The following ITSN1 variants were observed in gnomAD, a reference collection of about 807,000 sequenced individuals.
ITSN1 encodes intersectin 1.
ITSN1 carries 58 observed loss-of-function variants against 239.8 expected under a neutral mutation model. That is an observed-to-expected ratio of 0.24 (90% confidence interval 0.20 to 0.30). The LOEUF (loss-of-function observed/expected upper bound fraction) is 0.30. ITSN1 is among the 10% of genes least tolerant of loss of function. The pLI, the probability that ITSN1 is intolerant of heterozygous loss-of-function variation, is 1.00. For synonymous variants in ITSN1, 780 were observed against 770.8 expected (o/e 1.01, Z -0.20); for missense variants, 1,558 against 2,103.3 (o/e 0.74, Z 5.07).
At chr21:33,880,383 C>T (rs1358108611) in intron 34 of ITSN1, among the ~76,000 whole-genome samples, 1 of 152,116 alleles carries the variant, frequency 6.6e-6, no homozygotes, top group Non-Finnish European at 1.5e-5. Flanking sequence ...GCCCACGTGG[C>T]TTGAACCCTG....
chr21:33,816,096 G>A (rs2073249589), intron 22 of ITSN1, among the ~76,000 whole-genome samples: 1 of 152,082 alleles, frequency 6.6e-6, no homozygotes, highest in African/African-American at 2.4e-5. Context: ...GGGAGGCTGA[G>A]GCAGGAGTAT....
At chr21:33,701,011 ACT>A (rs938761034) in intron 1 of ITSN1, among the ~76,000 whole-genome samples, 2 of 129,460 alleles carry the variant, frequency 1.5e-5, no homozygotes, top group Admixed American at 7.9e-5. Context: ...ATGTGGTCTC[ACT>A]CTGTTTCCCA....
chr21:33,877,059 C>CTTTTTTTTTTTTTTTTTTTTTTT lies in ITSN1; in HGVS notation c.4341+1550_4341+1551insTTTTTTTTTTTTTTTTTTTTTTT, dbSNP rs10529259. On this transcript the variant is annotated intron_variant, in intron 34 of 39. Coordinates refer to ENST00000381318, the MANE Select transcript of ITSN1 (RefSeq NM_003024.3). The stretch of plus-strand genomic sequence containing the variant: ...TCCTTAGAACTTTACCTGTGGGCAC[C>CTTTTTTTTTTTTTTTTTTTTTTT]TTTTTTTTTTTTGAAATGGAGTCTC... 1.2e-3 allele frequency among the ~76,000 whole-genome samples: 123 copies of CTTTTTTTTTTTTTTTTTTTTTTT among 106,382 alleles called. 37 individuals carry two copies. The highest frequency in any genetic ancestry group is 3.1e-3 in the East Asian group (10 of 3,186). 69.8% of individuals were successfully genotyped at this position (106,382 alleles called of 152,430 possible).
At chr21:33,818,142 G>C in intron 22 of ITSN1, 125 bp from the exon 23 acceptor site, 5 of 719,070 alleles carry the variant, frequency 7.0e-6, no homozygotes, top group Non-Finnish European at 1.2e-5. Flanking sequence ...TGCTGCCTCA[G>C]GGCCCTTTGT....
At chr21:33,885,154 C>T (rs1168384743) in intron 37 of ITSN1, 31 bp downstream of exon 37, 1 of 1,572,536 alleles carries the variant, frequency 6.4e-7, no homozygotes, top group Non-Finnish European at 8.8e-7. Context: ...GTGTCCTGCA[C>T]AGCTGGGCAG....
intron 1 of ITSN1, among the ~76,000 whole-genome samples, chr21:33,679,925 C>T (rs550269827): frequency 1.3e-5 from 2 of 152,206 alleles, no homozygotes; most frequent in South Asian, 4.1e-4. Context: ...GTCTTGATCT[C>T]CTGACCTCGT....
intron 34 of ITSN1, 22 bp downstream of exon 34, chr21:33,875,543 C>A: frequency 6.2e-7 from 1 of 1,606,580 alleles, no homozygotes; most frequent in East Asian, 2.2e-5. Context: ...TGGGGCTGGG[C>A]CCTGGTCTCC....
chr21:33,690,301 C>G (rs2091449395), intron 1 of ITSN1, among the ~76,000 whole-genome samples: 1 of 146,600 alleles, frequency 6.8e-6, no homozygotes, highest in Non-Finnish European at 1.5e-5. Context: ...AATAAATGAA[C>G]AAAAATAAGC....
chr21:33,691,946 G>A (rs1478812473), intron 1 of ITSN1, among the ~76,000 whole-genome samples: 1 of 152,230 alleles, frequency 6.6e-6, no homozygotes, highest in African/African-American at 2.4e-5. Flanking sequence ...TTGGTCCATG[G>A]CACTGACCTA....
At chr21:33,655,966 G>A (rs1443897464) in intron 1 of ITSN1, among the ~76,000 whole-genome samples, 1 of 152,090 alleles carries the variant, frequency 6.6e-6, no homozygotes, top group Admixed American at 6.6e-5. Flanking sequence ...AGGATTGTAG[G>A]AGAGAGAAGG....
intron 1 of ITSN1, among the ~76,000 whole-genome samples, chr21:33,717,092 A>T (rs998420744): frequency 1.3e-5 from 2 of 152,186 alleles, no homozygotes; most frequent in African/African-American, 2.4e-5. Flanking sequence ...TCTGTGGACA[A>T]ATTGGAAGAT....
rs544843066 is a variant in ITSN1 at position 33,794,614 on chromosome 21, G to A, written c.1952+146G>A. 595 of 1,122,620 alleles carry A rather than the reference G, an allele frequency of 5.3e-4. No homozygotes were observed. In the African/African-American group the frequency reaches 8.4e-3, roughly 16 times the overall value. The allele number at this position is 1,122,620 out of a possible 1,614,324, so 69.5% of individuals were successfully genotyped here. ...GAAGTGTGAGTGCAAACACAAACACGTGTATATATGAATCTTTGCATGTAT... is the reference window on the plus strand; with the variant it reads ...GAAGTGTGAGTGCAAACACAAACACATGTATATATGAATCTTTGCATGTAT... On this transcript the variant is annotated intron_variant, in intron 17 of 39. Coordinates refer to ENST00000381318, the MANE Select transcript of ITSN1 (RefSeq NM_003024.3).
At position 33,895,504 on chromosome 21, in the gene ITSN1, T is replaced by C. The variant is rs1444735048; in HGVS notation, c.*7204T>C. The C allele has an allele frequency of 3.0e-5, 4 of 135,106 alleles. No homozygotes were observed. Among genetic ancestry groups the C allele is most frequent in the African/African-American group, 1.1e-4 (4 of 35,108 alleles). 8.4% of individuals were successfully genotyped at this position (135,106 alleles called of 1,614,324 possible). The stretch of plus-strand genomic sequence containing the variant: ...GTTTGCGTGCATGCATGTGTGTGCG[T>C]GCGCGTGTTTGTGTGTGCATGTGTG... On this transcript the variant is annotated 3_prime_UTR_variant, in exon 40 of 40. Coordinates refer to ENST00000381318, the MANE Select transcript of ITSN1 (RefSeq NM_003024.3).
rs957358519 is a variant in ITSN1 at position 33,761,373 on chromosome 21, G to A, written c.725-550G>A. ...CGAGTGACCACACCAGGCTGGAAAT[G>A]TGTTTTAATCCTGGCTATTAGCGCT... On this transcript the variant is annotated intron_variant, in intron 8 of 39. Coordinates refer to ENST00000381318, the MANE Select transcript of ITSN1 (RefSeq NM_003024.3). 2.0e-5 allele frequency among the ~76,000 whole-genome samples: 3 copies of A among 151,826 alleles called. No homozygotes were observed. The East Asian group carries it at 5.8e-4, about 29-fold the overall frequency.
At chr21:33,761,755 G>A (rs76720260) in intron 8 of ITSN1, among the ~76,000 whole-genome samples, 168 bp from the exon 9 acceptor site, 127 of 152,074 alleles carry the variant, frequency 8.4e-4, no homozygotes, top group African/African-American at 2.6e-3. Flanking sequence ...CTTTTTCATT[G>A]GGGCTTAATT....
intron 1 of ITSN1, among the ~76,000 whole-genome samples, chr21:33,675,051 A>C (rs1415872826): frequency 3.3e-5 from 5 of 152,218 alleles, no homozygotes; most frequent in African/African-American, 1.2e-4. Context: ...CTTCATGTGA[A>C]TATATCCATT....
At chr21:33,810,849 A>T (rs2072854663) in intron 20 of ITSN1, 126 bp from the exon 21 acceptor site, 2 of 1,069,922 alleles carry the variant, frequency 1.9e-6, no homozygotes, top group African/African-American at 1.6e-5. Context: ...TTGGACTAAG[A>T]TGAAGAGATT....
intron 20 of ITSN1, among the ~76,000 whole-genome samples, chr21:33,809,896 C>T (rs1350746770): frequency 1.3e-5 from 2 of 152,146 alleles, no homozygotes; most frequent in African/African-American, 2.4e-5. Flanking sequence ...TGGGTTCAAG[C>T]GATTCTTCTG....
At chr21:33,749,489 A>T (rs949649814) in intron 5 of ITSN1, among the ~76,000 whole-genome samples, 1 of 151,988 alleles carries the variant, frequency 6.6e-6, no homozygotes, top group Non-Finnish European at 1.5e-5. Context: ...CTAAAAATGT[A>T]AAAATAGCCG....
Sources: allele counts gnomAD v4.1 joint callset (sites outside exome capture counted in the v4.1 genomes callset), GRCh38; gene constraint gnomAD v4.1.1; transcripts MANE v1.5; gene names NCBI Gene and HGNC (gene_info 2026-07-23, HGNC 2026-07-21).